GALNT6: variants seen among roughly 807,000 people sequenced by gnomAD.
The protein encoded by GALNT6 is polypeptide N-acetylgalactosaminyltransferase 6, also known as GalNAc transferase 6.
GALNT6 carries 51 observed loss-of-function variants against 65.9 expected under a neutral mutation model. The observed-to-expected ratio is 0.77, with a 90% confidence interval of 0.62 to 0.98. GALNT6 has a LOEUF of 0.98. GALNT6 is among the 50% of genes least tolerant of loss of function. GALNT6 has a pLI of 0.00. For missense variants in GALNT6, 708 were observed against 803.3 expected (o/e 0.88, Z 1.43); for synonymous variants, 323 against 315.1 (o/e 1.02, Z -0.26).
chr12:51,354,643 T>A, intron 11 of GALNT6, 151 bp from the exon 12 acceptor site: 1 of 590,368 alleles, frequency 1.7e-6, no homozygotes, highest in Non-Finnish European at 3.0e-6. Context: ...TGCCCTCTCA[T>A]GAGACACATT....
chr12:51,390,441 G>C (rs1948029577), intron 2 of GALNT6, among the ~76,000 whole-genome samples: 1 of 152,178 alleles, frequency 6.6e-6, no homozygotes, highest in African/African-American at 2.4e-5. Context: ...TGGGATTACA[G>C]GCATGAGCCA....
In GALNT6 at chr12:51,360,746, C is replaced by A. The variant is rs1385242318; in HGVS notation, c.1142G>T (p.Gly381Val). The A allele has an allele frequency of 6.2e-7, 1 of 1,610,050 alleles. No homozygotes were observed. The highest frequency in any genetic ancestry group is 1.7e-5 in the Admixed American group (1 of 59,992). Residue 381 changes from glycine (G) to valine (V), a missense_variant, in exon 7 of 12, where the codon GGG (glycine) becomes GTG (valine). Physicochemically the swap from Gly to Val is moderately radical, Grantham distance 109 (BLOSUM62 -3). Transcript: ENST00000356317. ...CCGGAAGGACATTTCCACGTTCTCC[C>A]CTCCCCAGATCTCCATCTGATTATC... ...TYDNQMEIWG[G>V]ENVEMSFRVW...
Position 51,355,930 on chromosome 12 carries a change from A to G in GALNT6, c.1631T>C (p.Leu544Pro). 1 of 1,613,540 alleles carries G rather than the reference A, an allele frequency of 6.2e-7. No individual in the cohort carries two copies. Among genetic ancestry groups the G allele is most frequent in the South Asian group, 1.1e-5 (1 of 91,080 alleles). ...QYFEYTTQRD[L>P]RHNIAKQLCL... is the part of the protein sequence containing the mutation. ...CAGCTGCTTTGCGATGTTGTGGCGA[A>G]GGTCCCTCTGAGTTGTGTACTCAAA... Residue 544 changes from leucine (L) to proline (P), a missense_variant, in exon 11 of 12, where the codon CTT becomes CCT. By Grantham distance (98) the Leu-to-Pro change is moderately conservative. Transcript: ENST00000356317.
At chr12:51,364,004 A>T (rs1947008353) in intron 6 of GALNT6, 117 bp downstream of exon 6, 2 of 747,298 alleles carry the variant, frequency 2.7e-6, no homozygotes, top group South Asian at 3.1e-5. Context: ...AGGATTAATC[A>T]CAATATGTCA....
intron 11 of GALNT6, among the ~76,000 whole-genome samples, chr12:51,354,917 TG>T (rs1269419634): frequency 1.4e-5 from 2 of 146,434 alleles, no homozygotes; most frequent in Non-Finnish European, 3.1e-5. Flanking sequence ...GAGGCTCACT[TG>T]GGGTGCTGGC....
intron 2 of GALNT6, among the ~76,000 whole-genome samples, chr12:51,390,025 T>G (rs1230699564): frequency 6.6e-6 from 1 of 152,178 alleles, no homozygotes; most frequent in Non-Finnish European, 1.5e-5. Flanking sequence ...TGGAAGCAAC[T>G]TTCTCTGATT....
intron 9 of GALNT6, among the ~76,000 whole-genome samples, chr12:51,357,829 C>T (rs1946797854): frequency 6.6e-6 from 1 of 152,158 alleles, no homozygotes; most frequent in Admixed American, 6.5e-5. Context: ...TTTCAGACCT[C>T]CCCTGAGTCC....
At chr12:51,386,742 T>C (rs950026326) in intron 2 of GALNT6, among the ~76,000 whole-genome samples, 6 of 152,124 alleles carry the variant, frequency 3.9e-5, no homozygotes, top group Non-Finnish European at 7.4e-5. Flanking sequence ...AATTTCACAC[T>C]ACTGTTGGGG....
chr12:51,378,181 G>A (rs541598289), intron 3 of GALNT6, among the ~76,000 whole-genome samples: 11 of 152,180 alleles, frequency 7.2e-5, no homozygotes, highest in Non-Finnish European at 1.3e-4. Context: ...TTGAGACAGA[G>A]TCTTGCTCTG....
chr12:51,362,367 TCTC>T (rs1592320277), intron 6 of GALNT6, among the ~76,000 whole-genome samples: 1 of 152,206 alleles, frequency 6.6e-6, no homozygotes, highest in African/African-American at 2.4e-5. Flanking sequence ...GTCCTCTGCC[TCTC>T]CTCTTAGGCT....
intron 5 of GALNT6, among the ~76,000 whole-genome samples, chr12:51,364,778 T>A (rs907323185): frequency 1.3e-5 from 2 of 152,240 alleles, no homozygotes; most frequent in Non-Finnish European, 2.9e-5. Flanking sequence ...CTTTCATTTG[T>A]CTAGCTCCTT....
intron 4 of GALNT6, among the ~76,000 whole-genome samples, chr12:51,375,660 C>T (rs548330793): frequency 4.0e-5 from 6 of 150,978 alleles, no homozygotes; most frequent in Admixed American, 2.0e-4. Flanking sequence ...TGGGTTCAAG[C>T]GATTCTCCTG....
intron 4 of GALNT6, among the ~76,000 whole-genome samples, chr12:51,374,388 C>G (rs1214999338): frequency 2.0e-5 from 3 of 152,150 alleles, no homozygotes; most frequent in African/African-American, 7.2e-5. Flanking sequence ...CTGGTCTGGC[C>G]TTGCTTTATA....
Position 51,354,371 on chromosome 12 carries a change from T to A in GALNT6, c.*8A>T. On this transcript the variant is annotated 3_prime_UTR_variant, in exon 12 of 12. Transcript: ENST00000356317. Reference sequence around the variant, plus strand: ...TTGTGGGGGCTCTCTCTGGGGATGATCTGGGTCCTAGACAAAGAGCCACAA... The same window carrying A: ...TTGTGGGGGCTCTCTCTGGGGATGAACTGGGTCCTAGACAAAGAGCCACAA... The A allele has an allele frequency of 2.0e-6, 3 of 1,471,376 alleles. No homozygotes were observed. Among genetic ancestry groups the A allele is most frequent in the Non-Finnish European group, 2.8e-6 (3 of 1,088,896 alleles). The allele number at this position is 1,471,376 out of a possible 1,614,324, so 91.1% of individuals were successfully genotyped here.
At chr12:51,390,204 C>CTGGAAT (rs1475658308) in intron 2 of GALNT6, among the ~76,000 whole-genome samples, 15 of 110,080 alleles carry the variant, frequency 1.4e-4, no homozygotes, top group African/African-American at 5.0e-4. Context: ...CTCTTATTGC[C>CTGGAAT]CAGGCTGGAA....
In GALNT6 at chr12:51,359,243, CT is replaced by C. The variant is rs748270490; in HGVS notation, c.1256del (p.Lys419ArgfsTer50). 1 of 1,614,000 alleles carries C rather than the reference CT, an allele frequency of 6.2e-7. No individual in the cohort carries two copies. The highest frequency in any genetic ancestry group is 1.1e-5 in the South Asian group (1 of 91,078). ...FRTKSPHTFP[K>X]GTSVIARNQV... ...GATTGCGAGCAATGACACTAGTGCC[CT>C]TGGGGAAGGTGTGGGGGCTCTTGGT... On this transcript the variant is annotated frameshift_variant, in exon 8 of 12. Transcript: ENST00000356317. LOFTEE classifies it high-confidence loss of function.
rs554697327 is a variant in GALNT6, at chr12:51,363,353, G to A, written c.1049+768C>T. On this transcript the variant is annotated intron_variant, in intron 6 of 11. Transcript: ENST00000356317. ...GAGCCCAGTGGGCATTAAACTGTGG[G>A]TTGACTTCCAATTGTCTACCCTGCA... 3.9e-5 allele frequency among the ~76,000 whole-genome samples: 6 copies of A among 152,292 alleles called. No homozygotes were observed. The South Asian group carries it at 8.3e-4, about 21-fold the overall frequency.
chr12:51,360,220 C>G (rs1376379526), intron 7 of GALNT6: 1 of 152,154 alleles, frequency 6.6e-6, no homozygotes, highest in Non-Finnish European at 1.5e-5. Context: ...GTTGGGGCCA[C>G]CATCTTCTCT....
At chr12:51,384,956 TCACATGTAA>T (rs1337716140) in intron 2 of GALNT6, among the ~76,000 whole-genome samples, 3 of 152,150 alleles carry the variant, frequency 2.0e-5, no homozygotes, top group Non-Finnish European at 2.9e-5. Context: ...GCATCATGTA[TCACATGTAA>T]CACAGGCAAG....
Sources: gnomAD v4.1 joint callset for allele counts (sites outside exome capture counted in the v4.1 genomes callset) on GRCh38, gnomAD v4.1.1 for gene constraint, MANE v1.5 for transcripts, NCBI Gene and HGNC (gene_info 2026-07-23, HGNC 2026-07-21) for gene names.